Variants in PILRA observed in about 807,000 individuals in gnomAD.
PILRA encodes the protein paired immunoglobulin-like type 2 receptor alpha.
A neutral mutation model predicts 33.1 loss-of-function variants in PILRA; 37 were observed. The observed-to-expected ratio is 1.12, with a 90% CI of 0.86 to 1.47. PILRA has a LOEUF of 1.47. Ranked by LOEUF, PILRA falls within the 40% of genes most tolerant of loss-of-function variation. The probability of loss-of-function intolerance (pLI) is 0.00; values close to 1 mark genes in which losing one functional copy is unlikely to be tolerated. For synonymous variants in PILRA, 146 were observed against 149.9 expected, an observed-to-expected ratio of 0.97 and a Z score of 0.19; for missense variants, 312 against 376.2, an observed-to-expected ratio of 0.83 and a Z score of 1.41.
intron 1 of PILRA, 102 bp downstream of exon 1, chr7:100,373,822 C>A: frequency 6.8e-7 from 1 of 1,481,228 alleles, no homozygotes. Flanking sequence ...AGGCTCCCAC[C>A]ACCAGGAAAC....
At chr7:100,399,131 G>A (rs926932907) in intron 4 of PILRA, among the ~76,000 whole-genome samples, 160 bp from the exon 5 acceptor site, 1 of 151,922 alleles carries the variant, frequency 6.6e-6, no homozygotes, top group African/African-American at 2.4e-5. Context: ...TAGAGATGGG[G>A]TCTCGCTATG....
chr7:100,373,529 C>A lies in PILRA; in HGVS notation c.-128C>A. The A allele has an allele frequency of 2.0e-6, 2 of 1,016,044 alleles. No homozygotes were observed. The highest frequency in any genetic ancestry group is 1.5e-6 in the Non-Finnish European group (1 of 653,510). 62.9% of individuals were successfully genotyped at this position (1,016,044 alleles called of 1,614,324 possible). ...GTTTGGGGAAGGCTCCTGGCCCCCACAGCCCTCTTCGGAGCCTGAGCCCGG... is the reference window on the plus strand; with the variant it reads ...GTTTGGGGAAGGCTCCTGGCCCCCAAAGCCCTCTTCGGAGCCTGAGCCCGG... On this transcript the variant is annotated 5_prime_UTR_variant, in exon 1 of 7. Transcript: ENST00000198536.
At chr7:100,389,835 C>T (rs527658403) in intron 2 of PILRA, 53 bp from the exon 3 acceptor site, 1 of 1,507,440 alleles carries the variant, frequency 6.6e-7, no homozygotes, top group East Asian at 2.3e-5. Context: ...GCCTTTCACC[C>T]AGACACCCTG....
intron 3 of PILRA, among the ~76,000 whole-genome samples, chr7:100,395,107 T>C (rs1247415671): frequency 6.6e-6 from 1 of 152,162 alleles, no homozygotes; most frequent in African/African-American, 2.4e-5. Context: ...AAAATTCCTA[T>C]AATTCAACAA....
chr7:100,371,556 A>G (rs1473780234), upstream of PILRA, among the ~76,000 whole-genome samples: 1 of 152,152 alleles, frequency 6.6e-6, no homozygotes, highest in East Asian at 1.9e-4. Flanking sequence ...GGGACATCCA[A>G]GCAGTGGTTC....
intron 2 of PILRA, among the ~76,000 whole-genome samples, chr7:100,381,570 G>T (rs1290708648): frequency 6.6e-6 from 1 of 152,182 alleles, no homozygotes; most frequent in African/African-American, 2.4e-5. Flanking sequence ...AGGTGACAGC[G>T]TGCTGTCAGC....
rs547088481 is a variant in PILRA at position 100,383,367 on chromosome 7, TAGA to T, written c.455-6516_455-6514del. Reference sequence around the variant, plus strand: ...CAGCTCCAAAGGCACAACGCAGGGATAGAAGAACTGGGAGCAGACCTGGAGAAG... The same window carrying T: ...CAGCTCCAAAGGCACAACGCAGGGATAGAACTGGGAGCAGACCTGGAGAAG... On this transcript the variant is annotated intron_variant, in intron 2 of 6. Coordinates refer to ENST00000198536, the MANE Select transcript of PILRA (RefSeq NM_013439.3). Among the ~76,000 whole-genome samples the T allele has an allele frequency of 1.2e-4, 18 of 152,218 alleles. No individual in the cohort carries two copies. The South Asian group carries it at 3.7e-3, about 32-fold the overall frequency.
intron 2 of PILRA, among the ~76,000 whole-genome samples, chr7:100,381,648 C>T (rs1040757908): frequency 3.7e-4 from 56 of 152,364 alleles, no homozygotes; most frequent in South Asian, 1.7e-3. Context: ...AGCCCTTCAT[C>T]CCGCCGCTGC....
chr7:100,371,978 T>C (rs1372675113), upstream of PILRA, among the ~76,000 whole-genome samples: 1 of 152,212 alleles, frequency 6.6e-6, no homozygotes. Flanking sequence ...CCAGAGGCTG[T>C]TGGCTATAAG....
chr7:100,397,888 G>C lies in PILRA; in HGVS notation c.683G>C (p.Arg228Pro). 1 of 1,613,952 alleles carries C rather than the reference G, an allele frequency of 6.2e-7. No individual in the cohort carries two copies. Residue 228 changes from arginine (R) to proline (P), a missense_variant, in exon 4 of 7, where the codon CGG becomes CCG. Arg to Pro is a moderately radical substitution (Grantham distance 103). Coordinates refer to ENST00000198536, the MANE Select transcript of PILRA (RefSeq NM_013439.3). ...LRWRRRKGQQ[R>P]TKATTPAREP... The stretch of plus-strand genomic sequence containing the variant: ...GTTGGTCCCCCTACAGGTCAGCAGC[G>C]GACTAAAGCCACAACCCCAGCCAGG...
At chr7:100,391,396 CACTT>C (rs1011620413) in intron 3 of PILRA, among the ~76,000 whole-genome samples, 18 of 152,018 alleles carry the variant, frequency 1.2e-4, no homozygotes, top group Admixed American at 2.6e-4. Flanking sequence ...TTATAAATGA[CACTT>C]GGTTGGTTGG....
intron 3 of PILRA, among the ~76,000 whole-genome samples, chr7:100,392,841 T>G (rs1238797478): frequency 6.6e-6 from 1 of 152,188 alleles, no homozygotes. Context: ...TACCTCATAA[T>G]TTGTACCAAA....
Position 100,380,258 on chromosome 7 carries a change from T to C in PILRA, c.454+5825T>C, listed in dbSNP as rs1791059981. On this transcript the variant is annotated intron_variant, in intron 2 of 6. Transcript: ENST00000198536. ...GAAGCCTAAGGCTAGAGTCCCTATA[T>C]GATTAAATGAAACAAACTTCTCCCA... 2.6e-5 allele frequency among the ~76,000 whole-genome samples: 4 copies of C among 152,158 alleles called. No individual in the cohort carries two copies. The South Asian group carries it at 8.3e-4, about 32-fold the overall frequency.
At chr7:100,388,745 G>A (rs1471596479) in intron 2 of PILRA, among the ~76,000 whole-genome samples, 3 of 86,830 alleles carry the variant, frequency 3.5e-5, no homozygotes, top group Non-Finnish European at 5.9e-5. Context: ...GCGAGCCTCC[G>A]TCTCAAAAAA....
At chr7:100,389,284 A>C (rs1190295967) in intron 2 of PILRA, among the ~76,000 whole-genome samples, 1 of 152,242 alleles carries the variant, frequency 6.6e-6, no homozygotes, top group Non-Finnish European at 1.5e-5. Context: ...AACTTAAAAA[A>C]AATGTTTCCA....
In PILRA at chr7:100,399,271, G is replaced by A; in HGVS notation, c.708-20G>A. ...ATGCCCAACCTCTAACATATTTCCT[G>A]TCCTCTTGTTCCCATACAGGGAACC... On this transcript the variant is annotated intron_variant, in intron 4 of 6. Coordinates refer to ENST00000198536, the MANE Select transcript of PILRA (RefSeq NM_013439.3). 1 of 1,595,802 alleles carries A rather than the reference G, an allele frequency of 6.3e-7. No individual in the cohort carries two copies. Among genetic ancestry groups the A allele is most frequent in the Non-Finnish European group, 8.6e-7 (1 of 1,165,382 alleles).
intron 2 of PILRA, among the ~76,000 whole-genome samples, chr7:100,375,388 C>T (rs1010421989): frequency 2.0e-5 from 3 of 152,150 alleles, no homozygotes; most frequent in Non-Finnish European, 4.4e-5. Context: ...GCTAACAGAG[C>T]CTATATATCT....
chr7:100,389,794 A>G, intron 2 of PILRA, 94 bp from the exon 3 acceptor site: 1 of 1,028,150 alleles, frequency 9.7e-7, no homozygotes, highest in Non-Finnish European at 1.5e-6. Context: ...CTCACCACTA[A>G]TGTCCCCCAA....
intron 3 of PILRA, among the ~76,000 whole-genome samples, chr7:100,395,495 T>C (rs1268214572): frequency 6.6e-6 from 1 of 152,220 alleles, no homozygotes; most frequent in Non-Finnish European, 1.5e-5. Flanking sequence ...GTTTTACTTT[T>C]CAGCAACCTC....
Sources: allele counts gnomAD v4.1 joint callset (sites outside exome capture counted in the v4.1 genomes callset), GRCh38; gene constraint gnomAD v4.1.1; transcripts MANE v1.5; gene names NCBI Gene and HGNC (gene_info 2026-07-23, HGNC 2026-07-21).